Variants in ZNF287 observed in about 807,000 individuals in gnomAD.
ZNF287 encodes the protein zinc finger protein with KRAB and SCAN domains 13.
In ZNF287, 31 loss-of-function variants were observed where a neutral mutation model predicts 73.7. The observed-to-expected ratio is 0.42, with a 90% CI of 0.32 to 0.57. ZNF287 has a LOEUF of 0.57. ZNF287 is among the 20% of genes least tolerant of loss of function. The probability of loss-of-function intolerance (pLI) is 0.13; values close to 1 mark genes in which losing one functional copy is unlikely to be tolerated. For synonymous variants in ZNF287, 301 were observed against 307.2 expected, an observed-to-expected ratio of 0.98 and a Z score of 0.21; for missense variants, 641 against 909.3, an observed-to-expected ratio of 0.70 and a Z score of 3.79.
intron 5 of ZNF287, among the ~76,000 whole-genome samples, chr17:16,560,903 T>C (rs1272025462): frequency 6.6e-6 from 1 of 150,504 alleles, no homozygotes; most frequent in Admixed American, 6.6e-5. Context: ...CTTGGGAGGC[T>C]GAGGCAGGAG....
In ZNF287 at chr17:16,551,299, C is replaced by T. The variant is rs1179032627; in HGVS notation, c.*557G>A. The T allele has an allele frequency of 6.6e-6, 1 of 152,248 alleles. No homozygotes were observed. The highest frequency in any genetic ancestry group is 1.5e-5 in the Non-Finnish European group (1 of 68,078). 9.4% of individuals were successfully genotyped at this position (152,248 alleles called of 1,614,324 possible). On this transcript the variant is annotated 3_prime_UTR_variant, in exon 6 of 6. Transcript: ENST00000395825. Reference sequence around the variant, plus strand: ...GAAATCTCTATTTGATGGACACCTTCCTAAGTTACACTCATAAGGCCTCAT... The same window carrying T: ...GAAATCTCTATTTGATGGACACCTTTCTAAGTTACACTCATAAGGCCTCAT...
rs1199901633 is a variant in ZNF287, at chr17:16,550,217, A to G, written c.*1639T>C. On this transcript the variant is annotated 3_prime_UTR_variant, in exon 6 of 6. Transcript: ENST00000395825. The stretch of plus-strand genomic sequence containing the variant: ...CTGCATCAATGCTTTTTCCAATTAA[A>G]TTTTTTCCTGACATGTTAAGAGTAA... Among the ~76,000 whole-genome samples, 1 of 152,012 alleles carries G rather than the reference A, an allele frequency of 6.6e-6. No individual in the cohort carries two copies. Among genetic ancestry groups the G allele is most frequent in the Non-Finnish European group, 1.5e-5 (1 of 67,974 alleles).
At chr17:16,562,498 C>T (rs2142494806) in intron 5 of ZNF287, among the ~76,000 whole-genome samples, 1 of 152,276 alleles carries the variant, frequency 6.6e-6, no homozygotes, top group South Asian at 2.1e-4. Flanking sequence ...CTGACTTCTA[C>T]TTATGTGGAA....
At position 16,548,731 on chromosome 17, in the gene ZNF287, C is replaced by T. The variant is rs1052610716; in HGVS notation, c.*3125G>A. 7.2e-5 allele frequency among the ~76,000 whole-genome samples: 11 copies of T among 152,042 alleles called. No homozygotes were observed. The highest frequency in any genetic ancestry group is 2.1e-4 in the South Asian group (1 of 4,830). On this transcript the variant is annotated 3_prime_UTR_variant, in exon 6 of 6. Transcript: ENST00000395825. The stretch of plus-strand genomic sequence containing the variant: ...AGGAGAATGGCGTGAACCTGGGAGG[C>T]GGACCTTGCAGTGAGCCGAGATTGC...
chr17:16,567,941 G>C lies in ZNF287; in HGVS notation c.-198-12C>G. On this transcript the variant is annotated splice_polypyrimidine_tract_variant and intron_variant, in intron 1 of 5. Transcript: ENST00000395825. ...ATGGATAAGAGACCCTGAAACACAA[G>C]CATGGACCACAAGGTCAAGAATCCC... The C allele has an allele frequency of 7.1e-7, 1 of 1,409,602 alleles. No homozygotes were observed. The highest frequency in any genetic ancestry group is 9.2e-7 in the Non-Finnish European group (1 of 1,086,716). The allele number at this position is 1,409,602 out of a possible 1,614,324, so 87.3% of individuals were successfully genotyped here. A position where few individuals can be genotyped will look rare whatever the true frequency, so the allele number is the denominator to read the frequency against.
rs776308635 is a variant in ZNF287 at position 16,553,331 on chromosome 17, C to T, written c.811G>A (p.Asp271Asn). Reference sequence around the variant, plus strand: ...CGCCTCTCTAGTCTATCATCGTAGTCATATGAGTCTTCTAATTTGATGGTA... The same window carrying T: ...CGCCTCTCTAGTCTATCATCGTAGTTATATGAGTCTTCTAATTTGATGGTA... Reference protein sequence around the residue: ...THTIKLEDSYDYDDRLERRGK... With the variant: ...THTIKLEDSYNYDDRLERRGK... Residue 271 changes from aspartate to asparagine, a missense_variant, in exon 6 of 6, where the codon GAC becomes AAC. Physicochemically the swap from Asp to Asn is conservative, Grantham distance 23. Coordinates refer to ENST00000395825, the MANE Select transcript of ZNF287 (RefSeq NM_020653.4). 2.5e-6 allele frequency: 4 copies of T among 1,613,534 alleles called. No individual in the cohort carries two copies. In the South Asian group the frequency reaches 4.4e-5, roughly 18 times the overall value.
At position 16,548,079 on chromosome 17, in the gene ZNF287, G is replaced by A. The variant is rs537919921; in HGVS notation, c.*3777C>T. Among the ~76,000 whole-genome samples, 5 of 152,308 alleles carry A rather than the reference G, an allele frequency of 3.3e-5. No individual in the cohort carries two copies. In the South Asian group the frequency reaches 1.0e-3, roughly 32 times the overall value. On this transcript the variant is annotated 3_prime_UTR_variant, in exon 6 of 6. Coordinates refer to ENST00000395825, the MANE Select transcript of ZNF287 (RefSeq NM_020653.4). ...GCCACTCAACAAGTGTAGAGTGATA[G>A]AATTAGAAAATTGTCATTTTGCAAA...
rs1488823027 is a variant in ZNF287 at position 16,550,234 on chromosome 17, T to G, written c.*1622A>C. Among the ~76,000 whole-genome samples the G allele has an allele frequency of 6.6e-6, 1 of 152,202 alleles. No individual in the cohort carries two copies. Among genetic ancestry groups the G allele is most frequent in the Non-Finnish European group, 1.5e-5 (1 of 68,022 alleles). ...CCAATTAAATTTTTTCCTGACATGT[T>G]AAGAGTAATCTCTGTTTTACTTGTA... On this transcript the variant is annotated 3_prime_UTR_variant, in exon 6 of 6. Transcript: ENST00000395825.
chr17:16,567,333 C>T lies in ZNF287; in HGVS notation c.399G>A (p.Glu133=). 1 of 1,610,994 alleles carries T rather than the reference C, an allele frequency of 6.2e-7. No individual in the cohort carries two copies. The highest frequency in any genetic ancestry group is 8.5e-7 in the Non-Finnish European group (1 of 1,177,876). The change falls in exon 2 of 6, where the codon GAG becomes GAA. Residue 133 remains glutamate (E), a synonymous_variant. Transcript: ENST00000395825. The part of the protein sequence containing the change: ...LVEDLTQILE[E]EAPQNSTLSQ... Reference sequence around the variant, plus strand: ...TCTCTGCTCTATGATTCTCACCTTCCTCTTCTAGAATCTGAGTCAAATCCT... The same window carrying T: ...TCTCTGCTCTATGATTCTCACCTTCTTCTTCTAGAATCTGAGTCAAATCCT...
At position 16,549,804 on chromosome 17, in the gene ZNF287, A is replaced by G. The variant is rs1906527148; in HGVS notation, c.*2052T>C. The stretch of plus-strand genomic sequence containing the variant: ...TTTAGCTCAGGAAAACTTCCTGTAC[A>G]AAGATGTCCCAGGAAACCTGATTCA... On this transcript the variant is annotated 3_prime_UTR_variant, in exon 6 of 6. Transcript: ENST00000395825. 6.6e-6 allele frequency among the ~76,000 whole-genome samples: 1 copy of G among 152,200 alleles called. No individual in the cohort carries two copies. The highest frequency in any genetic ancestry group is 2.1e-4 in the South Asian group (1 of 4,832).
intron 5 of ZNF287, among the ~76,000 whole-genome samples, chr17:16,556,374 T>C (rs991557339): frequency 1.3e-5 from 2 of 152,188 alleles, no homozygotes; most frequent in African/African-American, 4.8e-5. Flanking sequence ...ATAACAAGCA[T>C]GAAAACACAT....
chr17:16,567,757 G>A lies in ZNF287; in HGVS notation c.-26C>T, dbSNP rs1309947531. On this transcript the variant is annotated 5_prime_UTR_variant, in exon 2 of 6. Coordinates refer to ENST00000395825, the MANE Select transcript of ZNF287 (RefSeq NM_020653.4). Reference sequence around the variant, plus strand: ...TGCTACAGACAGGAGAGTCAATCTGGCAATATCCTTTATTTCTCCAGTAGT... The same window carrying A: ...TGCTACAGACAGGAGAGTCAATCTGACAATATCCTTTATTTCTCCAGTAGT... 1 of 1,579,348 alleles carries A rather than the reference G, an allele frequency of 6.3e-7. No individual in the cohort carries two copies.
At chr17:16,563,964 C>T (rs1907597657) in intron 3 of ZNF287, 139 bp from the exon 4 acceptor site, 1 of 953,960 alleles carries the variant, frequency 1.0e-6, no homozygotes, top group Admixed American at 2.8e-5. Flanking sequence ...CTAGTCAAAA[C>T]CCTCCCCTGA....
rs1477730899 is a variant in ZNF287, at chr17:16,549,047, TTACTTTCCAATGTTTGGTTA to T, written c.*2789_*2808del. On this transcript the variant is annotated 3_prime_UTR_variant, in exon 6 of 6. Transcript: ENST00000395825. ...AGAGATGAAATGTCATGTCTGTAAG[TTACTTTCCAATGTTTGGTTA>T]AAAAAAATACGGCAGAATGTTAGTT... 3.3e-5 allele frequency among the ~76,000 whole-genome samples: 5 copies of T among 152,206 alleles called. No individual in the cohort carries two copies. The East Asian group carries it at 9.6e-4, about 29-fold the overall frequency.
Position 16,552,679 on chromosome 17 carries a change from G to A in ZNF287, c.1463C>T (p.Thr488Ile), listed in dbSNP as rs1412683807. 1 of 1,613,970 alleles carries A rather than the reference G, an allele frequency of 6.2e-7. No homozygotes were observed. Among genetic ancestry groups the A allele is most frequent in the South Asian group, 1.1e-5 (1 of 91,078 alleles). Residue 488 changes from threonine (T) to isoleucine (I), a missense_variant, in exon 6 of 6, where the codon ACC becomes ATC. Around this residue, in one of 2 missense-constraint regions of ZNF287, gnomAD observed 284 missense variants for 466.8 expected, o/e 0.61. Transcript: ENST00000395825. This position sits in a 1 kb window ranked among gnomAD's most constrained non-coding sequence, Gnocchi z 6.5. Reference protein sequence around the residue: ...KPYKCLECGKTFSHSSSLINH... With the variant: ...KPYKCLECGKIFSHSSSLINH... ...AATCAGTGATGAACTATGACTGAAG[G>A]TTTTACCACATTCCAAGCATTTATA...
intron 5 of ZNF287, among the ~76,000 whole-genome samples, chr17:16,562,707 A>C (rs1236405286): frequency 6.6e-6 from 1 of 152,108 alleles, no homozygotes; most frequent in Non-Finnish European, 1.5e-5. Context: ...AATAATTAGA[A>C]AATAAAAAAG....
chr17:16,563,616 C>T, intron 4 of ZNF287, 83 bp downstream of exon 4: 5 of 1,457,052 alleles, frequency 3.4e-6, no homozygotes, highest in Non-Finnish European at 4.6e-6. Context: ...TTCTGGACCC[C>T]ATTTTTAGCC....
intron 5 of ZNF287, among the ~76,000 whole-genome samples, chr17:16,557,684 G>A (rs190603973): frequency 1.3e-5 from 2 of 152,096 alleles, no homozygotes; most frequent in East Asian, 3.9e-4. Flanking sequence ...CCTCAATCAT[G>A]TTTGATGACC....
In ZNF287 at chr17:16,552,613, C is replaced by T. The variant is rs1906753417; in HGVS notation, c.1529G>A (p.Cys510Tyr). The change falls in exon 6 of 6, where the codon TGC becomes TAC. Residue 510 changes from cysteine (C) to tyrosine (Y), a missense_variant. Transcript: ENST00000395825. The surrounding 1 kb of genome is among the most constrained non-coding windows in gnomAD (Gnocchi z 6.5). ...RVHTGEKPYI[C>Y]NECGKTFSQS... ...ACTGAAAGTCTTCCCACATTCATTG[C>T]ATATATAAGGTTTTTCTCCAGTATG... 1 of 1,613,944 alleles carries T rather than the reference C, an allele frequency of 6.2e-7. No individual in the cohort carries two copies. The highest frequency in any genetic ancestry group is 1.7e-5 in the Admixed American group (1 of 59,990).
Sources: allele counts gnomAD v4.1 joint callset (sites outside exome capture counted in the v4.1 genomes callset), GRCh38; gene constraint gnomAD v4.1.1; regional missense constraint gnomAD v4.1.1; non-coding constraint Gnocchi (gnomAD v3.1); transcripts MANE v1.5; gene names NCBI Gene and HGNC (gene_info 2026-07-23, HGNC 2026-07-21).